F5: variants seen among roughly 807,000 people sequenced by gnomAD.
The protein encoded by F5 is activated protein c cofactor.
A neutral mutation model predicts 216.4 loss-of-function variants in F5; 138 were observed. The observed-to-expected ratio is 0.64, with a 90% CI of 0.56 to 0.73. The LOEUF is 0.73. Among genes scored for constraint, F5 ranks in the 30% least tolerant of loss-of-function variants. F5 has a pLI of 0.00. For missense variants in F5, 2,403 were observed against 2,674.0 expected, an observed-to-expected ratio of 0.90 and a Z score of 2.24; for synonymous variants, 916 against 930.7, an observed-to-expected ratio of 0.98 and a Z score of 0.29.
chr1:169,584,174 A>G (rs1337339296), intron 1 of F5, among the ~76,000 whole-genome samples: 1 of 152,198 alleles, frequency 6.6e-6, no homozygotes, highest in Non-Finnish European at 1.5e-5. Flanking sequence ...ACGTGGAGTA[A>G]TTTCAACAGA....
At chr1:169,526,806 G>T (rs1316628074) in intron 17 of F5, among the ~76,000 whole-genome samples, 1 of 151,918 alleles carries the variant, frequency 6.6e-6, no homozygotes, top group Non-Finnish European at 1.5e-5. Flanking sequence ...TTGATGAAAA[G>T]ATGAGTAAAT....
In F5 at chr1:169,550,288, A is replaced by ACC. The variant is rs60015398; in HGVS notation, c.1397-275_1397-274dup. On this transcript the variant is annotated intron_variant, in intron 9 of 24. Transcript: ENST00000367797. ...AATGCTATCCCTCCCCCCGCCCCCC[A>ACC]CCCCCCCCCCCCGACAGGCCCCGGT... 4.5e-3 allele frequency among the ~76,000 whole-genome samples: 325 copies of ACC among 72,182 alleles called. 3 individuals carry two copies. The highest frequency in any genetic ancestry group is 0.013 in the South Asian group (23 of 1,772). 47.4% of individuals were successfully genotyped at this position (72,182 alleles called of 152,430 possible). A position where few individuals can be genotyped will look rare whatever the true frequency, so the allele number is the denominator to read the frequency against.
chr1:169,515,220 A>G (rs1478981865), intron 24 of F5, among the ~76,000 whole-genome samples: 1 of 152,044 alleles, frequency 6.6e-6, no homozygotes, highest in Non-Finnish European at 1.5e-5. Context: ...TTTTATGACA[A>G]TGATATTTAT....
At position 169,541,822 on chromosome 1, in the gene F5, C is replaced by T; in HGVS notation, c.3268G>A (p.Asp1090Asn). The T allele has an allele frequency of 6.2e-7, 1 of 1,614,066 alleles. No homozygotes were observed. Among genetic ancestry groups the T allele is most frequent in the South Asian group, 1.1e-5 (1 of 91,074 alleles). The change falls in exon 13 of 25, where the codon GAT becomes AAT. Residue 1090 changes from aspartate to asparagine, a missense_variant. Asp to Asn is a conservative substitution (Grantham distance 23). Transcript: ENST00000367797. ...GGAAGTGAGGCTATCCAGCCAAAAT[C>T]CATAGAGGGCAATGTCTGATTGAGG... ...TDLNQTLPSM[D>N]FGWIASLPDH... is the part of the protein sequence containing the mutation.
At chr1:169,534,824 T>C (rs1050168580) in intron 14 of F5, among the ~76,000 whole-genome samples, 4 of 152,114 alleles carry the variant, frequency 2.6e-5, no homozygotes, top group African/African-American at 9.7e-5. Context: ...ATATGGTACA[T>C]ATGCACCATG....
At chr1:169,518,342 T>G in intron 23 of F5, 70 bp downstream of exon 23, 2 of 1,556,432 alleles carry the variant, frequency 1.3e-6, no homozygotes, top group South Asian at 1.1e-5. Context: ...ATCCTCCATG[T>G]TTGTGGTAGT....
At position 169,536,637 on chromosome 1, in the gene F5, T is replaced by C; in HGVS notation, c.4840A>G (p.Thr1614Ala). 6.2e-7 allele frequency: 1 copy of C among 1,612,760 alleles called. No individual in the cohort carries two copies. The highest frequency in any genetic ancestry group is 8.5e-7 in the Non-Finnish European group (1 of 1,178,860). Residue 1614 changes from threonine to alanine, a missense_variant, in exon 14 of 25, where the codon ACA (threonine) becomes GCA (alanine). By Grantham distance (58) the Thr-to-Ala change is moderately conservative. Transcript: ENST00000367797. ...TTTCGAAAAACTACTTTCTTATATG[T>C]GGTATCTTCTGGAATATCATCAGAG... ...EDSDDIPEDT[T>A]YKKVVFRKYL...
rs774474364 is a variant in F5, at chr1:169,520,718, T to C, written c.6049-54A>G. The C allele has an allele frequency of 1.7e-5, 25 of 1,484,152 alleles. No individual in the cohort carries two copies. The Middle Eastern group carries it at 7.6e-4, about 45-fold the overall frequency. The allele number at this position is 1,484,152 out of a possible 1,614,324, so 91.9% of individuals were successfully genotyped here. ...GTAACAATGATCTATAAAGTGACTT[T>C]ATATTAAAATTTTGATCTAATTTAA... On this transcript the variant is annotated intron_variant, in intron 21 of 24. Coordinates refer to ENST00000367797, the MANE Select transcript of F5 (RefSeq NM_000130.5).
intron 5 of F5, 115 bp from the exon 6 acceptor site, chr1:169,556,982 G>T: frequency 2.2e-6 from 2 of 923,402 alleles, no homozygotes; most frequent in Non-Finnish European, 3.4e-6. Context: ...ATTGTATAAA[G>T]CTTTGAGGGA....
At chr1:169,530,028 T>A (rs1038179889) in intron 15 of F5, among the ~76,000 whole-genome samples, 1 of 152,192 alleles carries the variant, frequency 6.6e-6, no homozygotes, top group Non-Finnish European at 1.5e-5. Flanking sequence ...TTTATCCCAG[T>A]AACAATGATG....
intron 2 of F5, among the ~76,000 whole-genome samples, chr1:169,574,911 G>A (rs574096696): frequency 5.8e-4 from 88 of 152,156 alleles, no homozygotes; most frequent in Middle Eastern, 3.4e-3. Flanking sequence ...GCAATGGTGC[G>A]TAAAAGAGTA....
At chr1:169,545,909 C>T (rs899995270) in intron 11 of F5, among the ~76,000 whole-genome samples, 7 of 152,130 alleles carry the variant, frequency 4.6e-5, no homozygotes, top group African/African-American at 1.4e-4. Context: ...CAGCAAATGC[C>T]GGAACCCTCA....
At chr1:169,557,622 C>G (rs1660362823) in intron 5 of F5, among the ~76,000 whole-genome samples, 1 of 151,934 alleles carries the variant, frequency 6.6e-6, no homozygotes, top group South Asian at 2.1e-4. Context: ...TGGGAAAATG[C>G]TCATTTGCTC....
chr1:169,552,818 C>T, intron 7 of F5, 84 bp from the exon 8 acceptor site: 2 of 1,039,104 alleles, frequency 1.9e-6, no homozygotes, highest in Non-Finnish European at 3.0e-6. Flanking sequence ...CTTAAACATT[C>T]TGCTCTTAGA....
intron 21 of F5, 100 bp downstream of exon 21, chr1:169,523,097 A>C: frequency 7.5e-7 from 1 of 1,332,670 alleles, no homozygotes. Context: ...TCTAATACCC[A>C]GAAAGGTATT....
intron 11 of F5, 108 bp downstream of exon 11, chr1:169,546,334 G>A: frequency 7.6e-7 from 1 of 1,312,672 alleles, no homozygotes; most frequent in East Asian, 2.4e-5. Flanking sequence ...GAGGATTGGA[G>A]GTGCCCCTTA....
intron 18 of F5, among the ~76,000 whole-genome samples, chr1:169,525,373 G>A (rs1659422451): frequency 6.6e-6 from 1 of 152,090 alleles, no homozygotes; most frequent in South Asian, 2.1e-4. Flanking sequence ...TAGTCCTGAT[G>A]AGACTATGTT....
chr1:169,513,310 T>C lies in F5; in HGVS notation c.*1003A>G, dbSNP rs1571553909. On this transcript the variant is annotated 3_prime_UTR_variant, in exon 25 of 25. Coordinates refer to ENST00000367797, the MANE Select transcript of F5 (RefSeq NM_000130.5). ...GGTGGTTTATTTCAGACACCCCAAA[T>C]GACTGTCTATCTCATGTGATTTTAA... 6.6e-6 allele frequency among the ~76,000 whole-genome samples: 1 copy of C among 152,184 alleles called. No homozygotes were observed. The highest frequency in any genetic ancestry group is 1.9e-4 in the East Asian group (1 of 5,172).
Position 169,514,049 on chromosome 1 carries a change from A to G in F5, c.*264T>C, listed in dbSNP as rs900964932. Reference sequence around the variant, plus strand: ...TACTTCATAGCATTTTCAATCATTAAGAAAGATAAGCCCTTTTCTTGTTGG... The same window carrying G: ...TACTTCATAGCATTTTCAATCATTAGGAAAGATAAGCCCTTTTCTTGTTGG... On this transcript the variant is annotated 3_prime_UTR_variant, in exon 25 of 25. Transcript: ENST00000367797. The G allele has an allele frequency of 2.3e-6, 1 of 435,556 alleles. No homozygotes were observed. Among genetic ancestry groups the G allele is most frequent in the African/African-American group, 2.0e-5 (1 of 50,400 alleles). The allele number at this position is 435,556 out of a possible 1,614,324, so 27.0% of individuals were successfully genotyped here.
Sources: allele counts gnomAD v4.1 joint callset (sites outside exome capture counted in the v4.1 genomes callset), GRCh38; gene constraint gnomAD v4.1.1; transcripts MANE v1.5; gene names NCBI Gene and HGNC (gene_info 2026-07-23, HGNC 2026-07-21).